The following CELF4 variants were observed in gnomAD, a reference collection of about 807,000 sequenced individuals.
The protein encoded by CELF4 is CUG-BP- and ETR-3-like factor 4.
CELF4 carries 18 observed loss-of-function variants against 59.9 expected under a neutral mutation model. The ratio of observed to expected loss-of-function variants is 0.30; its 90% confidence interval spans 0.21 to 0.45. The LOEUF (loss-of-function observed/expected upper bound fraction) is 0.45, where lower values mean the gene tolerates loss of function less well. Ranked by LOEUF, CELF4 falls within the 20% of genes least tolerant of loss-of-function variation. The pLI, the probability that CELF4 is intolerant of heterozygous loss-of-function variation, is 1.00. For synonymous variants in CELF4, 261 were observed against 267.1 expected, an observed-to-expected ratio of 0.98 and a Z score of 0.22; for missense variants, 456 against 689.0, an observed-to-expected ratio of 0.66 and a Z score of 3.79.
Position 37,393,360 on chromosome 18 carries a change from G to A in CELF4, c.370-71479C>T, listed in dbSNP as rs180775644. ...GCATGGGGTAAATTTACACAAAGGG[G>A]TCATTCATTCGTTGTTCTCCAGGGC... On this transcript the variant is annotated intron_variant, in intron 2 of 12. Transcript: ENST00000420428. Among the ~76,000 whole-genome samples, 9 of 152,334 alleles carry A rather than the reference G, an allele frequency of 5.9e-5. No homozygotes were observed. The East Asian group carries it at 1.7e-3, about 29-fold the overall frequency.
At chr18:37,343,538 C>T (rs190051077) in intron 2 of CELF4, among the ~76,000 whole-genome samples, 1 of 152,096 alleles carries the variant, frequency 6.6e-6, no homozygotes, top group East Asian at 1.9e-4. Context: ...TCAGCCTCCC[C>T]ACCTCCCATC....
chr18:37,276,683 A>G (rs2093345192), intron 3 of CELF4: 1 of 152,142 alleles, frequency 6.6e-6, no homozygotes, highest in African/African-American at 2.4e-5. Flanking sequence ...CAGGCCTTCC[A>G]TGCTGTGCCC....
At chr18:37,456,790 G>A (rs1240618151) in intron 2 of CELF4, among the ~76,000 whole-genome samples, 1 of 152,154 alleles carries the variant, frequency 6.6e-6, no homozygotes, top group African/African-American at 2.4e-5. Flanking sequence ...CCAGGTGAGA[G>A]GCAAAGATCC....
intron 2 of CELF4, among the ~76,000 whole-genome samples, chr18:37,412,166 G>A (rs2099469455): frequency 6.6e-6 from 1 of 152,226 alleles, no homozygotes; most frequent in Non-Finnish European, 1.5e-5. Flanking sequence ...CTGTGGCTTA[G>A]GAGCCGAATG....
At chr18:37,558,265 G>A (rs979920033) in intron 1 of CELF4, among the ~76,000 whole-genome samples, 9 of 151,914 alleles carry the variant, frequency 5.9e-5, no homozygotes, top group African/African-American at 1.9e-4. Context: ...GCTGTGGCTT[G>A]GGCTTTATAC....
chr18:37,477,909 C>A (rs1205066160), intron 2 of CELF4, among the ~76,000 whole-genome samples: 2 of 152,152 alleles, frequency 1.3e-5, no homozygotes. Flanking sequence ...TTGCAAAATG[C>A]CTGTCTGGTG....
intron 1 of CELF4, among the ~76,000 whole-genome samples, chr18:37,559,733 C>T (rs370743699): frequency 6.6e-6 from 1 of 152,096 alleles, no homozygotes; most frequent in East Asian, 1.9e-4. Context: ...TGGATATATT[C>T]CAAGGCCTCA....
intron 2 of CELF4, among the ~76,000 whole-genome samples, chr18:37,449,543 A>G (rs9966170): frequency 0.6 from 90,904 of 151,942 alleles, 27,906 homozygotes; most frequent in East Asian, 0.84. Context: ...ATACAGCGGT[A>G]AACAAATTCC....
At chr18:37,334,842 AAT>A (rs1328126607) in intron 2 of CELF4, among the ~76,000 whole-genome samples, 1 of 152,116 alleles carries the variant, frequency 6.6e-6, no homozygotes, top group Non-Finnish European at 1.5e-5. Flanking sequence ...ACACCAAGTA[AAT>A]GACAAATCGA....
chr18:37,514,350 G>A (rs1365405816), intron 1 of CELF4, among the ~76,000 whole-genome samples: 1 of 152,196 alleles, frequency 6.6e-6, no homozygotes, highest in Non-Finnish European at 1.5e-5. Context: ...CTGTTTTCTG[G>A]CCCAGGGCTT....
intron 3 of CELF4, among the ~76,000 whole-genome samples, chr18:37,295,286 G>T (rs926893319): frequency 6.6e-6 from 1 of 152,232 alleles, no homozygotes; most frequent in Non-Finnish European, 1.5e-5. Context: ...AGTGGTCACT[G>T]GTGCCAAAGG....
intron 2 of CELF4, among the ~76,000 whole-genome samples, chr18:37,388,946 C>A (rs758405010): frequency 3.9e-5 from 6 of 152,166 alleles, no homozygotes; most frequent in Non-Finnish European, 8.8e-5. Flanking sequence ...CTGTGCACCT[C>A]TTGATGGCTC....
chr18:37,538,179 C>T (rs1219688685), intron 1 of CELF4, among the ~76,000 whole-genome samples: 1 of 152,214 alleles, frequency 6.6e-6, no homozygotes, highest in Non-Finnish European at 1.5e-5. Context: ...GCCCTGGTCT[C>T]TCCTGTGTGC....
Position 37,489,913 on chromosome 18 carries a change from T to C in CELF4, c.287-4306A>G, listed in dbSNP as rs142249927. Among the ~76,000 whole-genome samples the C allele has an allele frequency of 3.2e-3, 486 of 152,102 alleles. 11 individuals carry two copies. Among genetic ancestry groups the C allele is most frequent in the Admixed American group, 0.021 (327 of 15,288 alleles). ...CCCCATCTTCAGACCCAGAAATCCC[T>C]CCCAAGTCCTGATCCTATGATCCAC... On this transcript the variant is annotated intron_variant, in intron 1 of 12. Transcript: ENST00000420428.
At chr18:37,462,459 C>T (rs1388526685) in intron 2 of CELF4, among the ~76,000 whole-genome samples, 2 of 152,178 alleles carry the variant, frequency 1.3e-5, no homozygotes, top group Non-Finnish European at 2.9e-5. Context: ...CGATTTTTCT[C>T]CCAATCCTTC....
intron 1 of CELF4, among the ~76,000 whole-genome samples, chr18:37,530,722 G>A (rs951976301): frequency 6.6e-6 from 1 of 151,946 alleles, no homozygotes. Context: ...TGGTGACCTG[G>A]TCACCTTCCT....
chr18:37,353,233 A>AAAAATATATATATATAT (rs71168258), intron 2 of CELF4, among the ~76,000 whole-genome samples: 54 of 106,956 alleles, frequency 5.0e-4, no homozygotes, highest in East Asian at 2.8e-3. Context: ...AAAAAAAAAA[A>AAAAATATATATATATAT]ATATATATAT....
chr18:37,324,188 C>A (rs1034546887), intron 2 of CELF4, among the ~76,000 whole-genome samples: 2 of 152,158 alleles, frequency 1.3e-5, no homozygotes, highest in Non-Finnish European at 2.9e-5. Flanking sequence ...TCTATTCATT[C>A]TTTGAGCCTA....
At chr18:37,430,176 C>T (rs2099639859) in intron 2 of CELF4, among the ~76,000 whole-genome samples, 1 of 152,180 alleles carries the variant, frequency 6.6e-6, no homozygotes, top group Non-Finnish European at 1.5e-5. Flanking sequence ...GGGCAGGAAC[C>T]ACACAGCCTC....
Sources: allele counts gnomAD v4.1 joint callset (sites outside exome capture counted in the v4.1 genomes callset), GRCh38; gene constraint gnomAD v4.1.1; transcripts MANE v1.5; gene names NCBI Gene and HGNC (gene_info 2026-07-23, HGNC 2026-07-21).